The following KDM2A variants were observed in gnomAD, a reference collection of about 807,000 sequenced individuals.
KDM2A encodes the protein lysine demethylase 2A, also known as lysine-specific demethylase 2A.
Under a neutral mutation model 137.3 loss-of-function variants are expected in KDM2A, and 3 were observed. That is an observed-to-expected ratio of 0.02 (90% CI 0.01 to 0.06). KDM2A has a LOEUF of 0.06. KDM2A is among the 10% of genes least tolerant of loss of function. The pLI is 1.00. For synonymous variants in KDM2A, 512 were observed against 541.5 expected (o/e 0.95, Z 0.76); for missense variants, 738 against 1,510.6 (o/e 0.49, Z 8.48).
intron 12 of KDM2A, 106 bp downstream of exon 12, chr11:67,232,066 T>TGAAC: frequency 8.9e-7 from 1 of 1,120,788 alleles, no homozygotes; most frequent in Non-Finnish European, 1.3e-6. Flanking sequence ...TCTGGTTCAG[T>TGAAC]CAGAGAGAAG....
chr11:67,189,442 C>T (rs1228382664), intron 5 of KDM2A, among the ~76,000 whole-genome samples: 1 of 152,198 alleles, frequency 6.6e-6, no homozygotes, highest in Non-Finnish European at 1.5e-5. Flanking sequence ...AACACGGAAT[C>T]ACTGATTGCA....
At chr11:67,146,607 T>C (rs893890879) in intron 2 of KDM2A, among the ~76,000 whole-genome samples, 1 of 151,930 alleles carries the variant, frequency 6.6e-6, no homozygotes, top group Non-Finnish European at 1.5e-5. Flanking sequence ...CTCCCAGACT[T>C]AAGCAATCCT....
chr11:67,144,999 T>A (rs536555198), intron 2 of KDM2A, among the ~76,000 whole-genome samples: 3 of 151,730 alleles, frequency 2.0e-5, no homozygotes, highest in South Asian at 4.2e-4. Flanking sequence ...CCTCTCAAGT[T>A]GCTGGGTGTA....
intron 15 of KDM2A, among the ~76,000 whole-genome samples, chr11:67,247,064 TA>T (rs1368824617): frequency 0.013 from 431 of 33,388 alleles, 29 homozygotes; most frequent in Admixed American, 0.1. Flanking sequence ...TATATATATA[TA>T]TATATATTTT....
intron 5 of KDM2A, among the ~76,000 whole-genome samples, chr11:67,186,563 A>G (rs921562308): frequency 1.3e-5 from 2 of 152,234 alleles, no homozygotes; most frequent in Non-Finnish European, 2.9e-5. Context: ...AAGCCATATG[A>G]AGAAATATCT....
intron 5 of KDM2A, among the ~76,000 whole-genome samples, chr11:67,195,369 C>A (rs1262971441): frequency 3.8e-4 from 25 of 65,238 alleles, no homozygotes; most frequent in Non-Finnish European, 4.5e-4. Flanking sequence ...ACTCCGTCTC[C>A]AAAAAAAAAA....
intron 7 of KDM2A, 182 bp from the exon 8 acceptor site, chr11:67,215,674 G>GA (rs371377962): frequency 0.21 from 93,139 of 447,706 alleles, no homozygotes; most frequent in South Asian, 0.26. Context: ...CAATACGGTA[G>GA]AAAAAAAAAA....
At chr11:67,124,443 C>T (rs1165548641) in intron 2 of KDM2A, among the ~76,000 whole-genome samples, 1 of 152,040 alleles carries the variant, frequency 6.6e-6, no homozygotes, top group Non-Finnish European at 1.5e-5. Context: ...TCCCAAGTAG[C>T]TGCGATTACA....
At chr11:67,184,304 G>T (rs1353639466) in intron 5 of KDM2A, among the ~76,000 whole-genome samples, 1 of 151,664 alleles carries the variant, frequency 6.6e-6, no homozygotes, top group Non-Finnish European at 1.5e-5. Context: ...GATCAGCCTG[G>T]CCAACATGGG....
chr11:67,223,123 C>T (rs1008852063), intron 10 of KDM2A, among the ~76,000 whole-genome samples: 2 of 147,612 alleles, frequency 1.4e-5, no homozygotes, highest in African/African-American at 5.1e-5. Flanking sequence ...ACCTGGGAGG[C>T]GGAGGTTGCA....
At chr11:67,235,262 A>T (rs2136432078) in intron 12 of KDM2A, among the ~76,000 whole-genome samples, 1 of 151,664 alleles carries the variant, frequency 6.6e-6, no homozygotes, top group South Asian at 2.1e-4. Context: ...TTGACTCTTG[A>T]AAGTGTACAT....
chr11:67,250,524 TCCC>T lies in KDM2A; in HGVS notation c.2498_2500del (p.Pro833del). The T allele has an allele frequency of 6.2e-7, 1 of 1,613,656 alleles. No homozygotes were observed. The highest frequency in any genetic ancestry group is 1.1e-5 in the South Asian group (1 of 91,076). Reference sequence around the variant, plus strand: ...GGCCTCCTCTGCCAACCTTCGCCATTCCCCCCGTGTGCTAGTGCAGCACTGCCC... The same window carrying T: ...GGCCTCCTCTGCCAACCTTCGCCATTCCCGTGTGCTAGTGCAGCACTGCCC... On this transcript the variant is annotated inframe_deletion, in exon 17 of 21. Transcript: ENST00000529006. This position sits in a 1 kb window ranked among gnomAD's most constrained non-coding sequence, Gnocchi z 7.1.
At chr11:67,237,258 A>T (rs1037329421) in intron 12 of KDM2A, among the ~76,000 whole-genome samples, 1 of 152,136 alleles carries the variant, frequency 6.6e-6, no homozygotes, top group African/African-American at 2.4e-5. Flanking sequence ...GCCCCATCCC[A>T]GGAGTATGAT....
In KDM2A at chr11:67,176,918, T is replaced by G. The variant is rs1856982990; in HGVS notation, c.43-3161T>G. ...GAGGGCCTAAGACACTTTTGTAGATTTTATGAACAGTGTTTTATTTTTTAA... is the reference window on the plus strand; with the variant it reads ...GAGGGCCTAAGACACTTTTGTAGATGTTATGAACAGTGTTTTATTTTTTAA... On this transcript the variant is annotated intron_variant, in intron 2 of 20. Coordinates refer to ENST00000529006, the MANE Select transcript of KDM2A (RefSeq NM_012308.3). Among the ~76,000 whole-genome samples, 3 of 152,270 alleles carry G rather than the reference T, an allele frequency of 2.0e-5. No individual in the cohort carries two copies. The South Asian group carries it at 6.2e-4, about 32-fold the overall frequency.
At chr11:67,204,272 G>C (rs112427094) in intron 5 of KDM2A, among the ~76,000 whole-genome samples, 84 of 151,942 alleles carry the variant, frequency 5.5e-4, no homozygotes, top group Non-Finnish European at 1.0e-4. Context: ...TTTTTTCACA[G>C]TGTGCAACCA....
At chr11:67,189,667 C>T (rs1857299678) in intron 5 of KDM2A, among the ~76,000 whole-genome samples, 1 of 151,982 alleles carries the variant, frequency 6.6e-6, no homozygotes, top group African/African-American at 2.4e-5. Flanking sequence ...TGGCGAAACC[C>T]CATCTCTACT....
intron 2 of KDM2A, among the ~76,000 whole-genome samples, chr11:67,127,741 C>CTTG: frequency 6.6e-6 from 1 of 152,006 alleles, no homozygotes; most frequent in Admixed American, 6.6e-5. Flanking sequence ...GAGTTTTGCT[C>CTTG]TTGTTGCCGA....
intron 5 of KDM2A, among the ~76,000 whole-genome samples, chr11:67,191,635 C>T (rs528020936): frequency 4.9e-4 from 75 of 152,216 alleles, no homozygotes; most frequent in African/African-American, 1.7e-3. Flanking sequence ...TGACAAAATT[C>T]AACACCTTTT....
At chr11:67,227,964 T>C (rs545504045) in intron 10 of KDM2A, 73 bp from the exon 11 acceptor site, 10 of 1,469,528 alleles carry the variant, frequency 6.8e-6, no homozygotes, top group Non-Finnish European at 9.5e-6. Context: ...GGGTTAATGA[T>C]TACAGTAATT....
Sources: allele counts gnomAD v4.1 joint callset (sites outside exome capture counted in the v4.1 genomes callset), GRCh38; gene constraint gnomAD v4.1.1; non-coding constraint Gnocchi (gnomAD v3.1); transcripts MANE v1.5; gene names NCBI Gene and HGNC (gene_info 2026-07-23, HGNC 2026-07-21).